The following COL27A1 variants were observed in gnomAD, a reference collection of about 807,000 sequenced individuals.
COL27A1 encodes collagen type XXVII alpha 1 chain, also known as collagen alpha-1(XXVII) chain.
COL27A1 carries 106 observed loss-of-function variants against 251.3 expected under a neutral mutation model. The ratio of observed to expected loss-of-function variants is 0.42; its 90% CI spans 0.36 to 0.50. The LOEUF is 0.50. Ranked by LOEUF, COL27A1 falls within the 20% of genes least tolerant of loss-of-function variation. The probability of loss-of-function intolerance (pLI) is 0.00; values close to 1 mark genes in which losing one functional copy is unlikely to be tolerated. For synonymous variants in COL27A1, 1,000 were observed against 986.3 expected (o/e 1.01, Z -0.26); for missense variants, 2,325 against 2,522.8 (o/e 0.92, Z 1.68).
intron 10 of COL27A1, among the ~76,000 whole-genome samples, chr9:114,208,776 G>C (rs78066481): frequency 1.3e-5 from 2 of 152,092 alleles, no homozygotes; most frequent in Non-Finnish European, 2.9e-5. Context: ...CACTGGGGAT[G>C]GGGGGGAGAG....
chr9:114,272,860 C>A (rs994461314), intron 36 of COL27A1: 12 of 152,134 alleles, frequency 7.9e-5, no homozygotes, highest in African/African-American at 2.7e-4. Flanking sequence ...AGCAGAGAAT[C>A]TTGGAATTAG....
intron 36 of COL27A1, chr9:114,272,695 T>C (rs1835228202): frequency 6.6e-6 from 1 of 152,270 alleles, no homozygotes; most frequent in African/African-American, 2.4e-5. Context: ...CTAAGCTATT[T>C]ACATGGTTTA....
chr9:114,291,003 A>C (rs1302369376), intron 48 of COL27A1, 86 bp downstream of exon 48: 7 of 934,344 alleles, frequency 7.5e-6, no homozygotes, highest in Non-Finnish European at 1.1e-5. Flanking sequence ...TTGGGCACCC[A>C]TGTCCCAGGG....
chr9:114,252,521 C>A, intron 25 of COL27A1, 72 bp from the exon 26 acceptor site: 1 of 1,355,220 alleles, frequency 7.4e-7, no homozygotes. Flanking sequence ...GGATGGCCCT[C>A]TGCACCTGCC....
intron 14 of COL27A1, among the ~76,000 whole-genome samples, chr9:114,230,720 T>G (rs1196879198): frequency 6.6e-6 from 1 of 152,070 alleles, no homozygotes; most frequent in East Asian, 1.9e-4. Context: ...TTACAGCAGC[T>G]CCGGGGGGAC....
intron 39 of COL27A1, 84 bp from the exon 40 acceptor site, chr9:114,283,625 C>A: frequency 7.8e-7 from 1 of 1,289,122 alleles, no homozygotes; most frequent in Non-Finnish European, 1.1e-6. Flanking sequence ...CTGGGCGGAG[C>A]GGGGCTGGAG....
Position 114,162,742 on chromosome 9 carries a change from C to T in COL27A1, c.90C>T (p.Val30=), listed in dbSNP as rs569764168. ...GGTTTCTCTTCTCCTGGATCTTAGT[C>T]TCGTTTGCCTGTCACCTGGCCTCCA... is the stretch of plus-strand genomic sequence containing the variant. ...GGGFLFSWIL[V]SFACHLASTQ... is the part of the protein sequence containing the mutation. Residue 30 remains valine, a synonymous_variant, in exon 2 of 61, where the codon GTC becomes GTT. Coordinates refer to ENST00000356083, the MANE Select transcript of COL27A1 (RefSeq NM_032888.4). 4 of 1,612,806 alleles carry T rather than the reference C, an allele frequency of 2.5e-6. No individual in the cohort carries two copies. Among genetic ancestry groups the T allele is most frequent in the South Asian group, 1.1e-5 (1 of 90,976 alleles).
chr9:114,244,058 T>G (rs1832950292), intron 23 of COL27A1, among the ~76,000 whole-genome samples: 1 of 151,870 alleles, frequency 6.6e-6, no homozygotes, highest in African/African-American at 2.4e-5. Context: ...CCCGAGTAGC[T>G]GGGACTACAG....
At position 114,169,078 on chromosome 9, in the gene COL27A1, T is replaced by A. The variant is rs1310012438; in HGVS notation, c.1523T>A (p.Val508Glu). The change falls in exon 3 of 61, where the codon GTA (valine) becomes GAA (glutamate). Residue 508 changes from valine to glutamate, a missense_variant. By Grantham distance (121) the Val-to-Glu change is moderately radical. This residue lies in a region of COL27A1 where 1,183 missense variants were observed against 1,144.1 expected (regional missense o/e 1.03). Coordinates refer to ENST00000356083, the MANE Select transcript of COL27A1 (RefSeq NM_032888.4). ...TRSTRPPATM[V>E]PPTSGTSTPR... ...AGTACTCGGCCACCAGCCACGATGG[T>A]ACCTCCAACTTCGGGCACCAGCACT... is the stretch of plus-strand genomic sequence containing the variant. The A allele has an allele frequency of 6.2e-7, 1 of 1,613,992 alleles. No individual in the cohort carries two copies. The highest frequency in any genetic ancestry group is 1.7e-5 in the Admixed American group (1 of 60,020).
At chr9:114,245,626 G>A (rs1319934755) in intron 23 of COL27A1, among the ~76,000 whole-genome samples, 1 of 152,212 alleles carries the variant, frequency 6.6e-6, no homozygotes, top group Non-Finnish European at 1.5e-5. Flanking sequence ...TCCAGGTGCT[G>A]AGTAAGCCAA....
rs1443325605 is a variant in COL27A1 at position 114,311,671 on chromosome 9, G to A, written c.*976G>A. Reference sequence around the variant, plus strand: ...GTCTGTCCTTTTAAGGCAGCAGGGAGGCCTGGGTGCGAAGCATGTTGGCTT... The same window carrying A: ...GTCTGTCCTTTTAAGGCAGCAGGGAAGCCTGGGTGCGAAGCATGTTGGCTT... On this transcript the variant is annotated 3_prime_UTR_variant, in exon 61 of 61. Coordinates refer to ENST00000356083, the MANE Select transcript of COL27A1 (RefSeq NM_032888.4). The A allele has an allele frequency of 2.0e-5, 3 of 152,318 alleles. No individual in the cohort carries two copies. The highest frequency in any genetic ancestry group is 4.8e-5 in the African/African-American group (2 of 41,554). 9.4% of individuals were successfully genotyped at this position (152,318 alleles called of 1,614,324 possible).
In COL27A1 at chr9:114,265,430, G is replaced by A. The variant is rs779262299; in HGVS notation, c.3348G>A (p.Pro1116=). 2.0e-5 allele frequency: 32 copies of A among 1,613,666 alleles called. No individual in the cohort carries two copies. The highest frequency in any genetic ancestry group is 1.1e-4 in the South Asian group (10 of 91,082). ...HLGSRGFPGI[P]GPSGPPGTKG... ...TTACCTTGTCTCTGCAGGGCATCCC[G>A]GGTCCCTCAGGCCCCCCAGGCACCA... Residue 1116 remains proline (P), a synonymous_variant, in exon 32 of 61, where the codon CCG becomes CCA. Transcript: ENST00000356083.
chr9:114,237,329 C>T (rs775547214), intron 18 of COL27A1, among the ~76,000 whole-genome samples: 6 of 152,244 alleles, frequency 3.9e-5, no homozygotes, highest in African/African-American at 7.2e-5. Context: ...ACAGCAGTGG[C>T]TGTCATTTAT....
intron 34 of COL27A1, 53 bp downstream of exon 34, chr9:114,267,610 T>A: frequency 6.7e-7 from 1 of 1,500,160 alleles, no homozygotes; most frequent in Non-Finnish European, 9.2e-7. Flanking sequence ...AGCTCCCAGA[T>A]GGTGGCCACA....
intron 5 of COL27A1, among the ~76,000 whole-genome samples, chr9:114,186,454 A>G (rs1828342068): frequency 6.6e-6 from 1 of 152,220 alleles, no homozygotes; most frequent in African/African-American, 2.4e-5. Context: ...CAAGCCAACC[A>G]TATTGACAAA....
Position 114,290,165 on chromosome 9 carries a change from C to A in COL27A1, c.4260+54C>A. On this transcript the variant is annotated intron_variant, in intron 46 of 60. Transcript: ENST00000356083. This position sits in a 1 kb window ranked among gnomAD's most constrained non-coding sequence, Gnocchi z 4.6. ...CAACCTCCCTGCCCGCCCCCCACAC[C>A]CGCCCTCCTCCCACTCCCTGCACCA... is the stretch of plus-strand genomic sequence containing the variant. The A allele has an allele frequency of 6.3e-7, 1 of 1,590,278 alleles. No homozygotes were observed. Among genetic ancestry groups the A allele is most frequent in the Non-Finnish European group, 8.6e-7 (1 of 1,164,838 alleles).
chr9:114,250,668 G>C lies in COL27A1; in HGVS notation c.3033G>C (p.Lys1011Asn). The change falls in exon 25 of 61, where the codon AAG becomes AAC. Residue 1011 changes from lysine to asparagine, a missense_variant and splice_region_variant. Around this residue, in one of 4 missense-constraint regions of COL27A1, gnomAD observed 662 missense variants for 795.3 expected, o/e 0.83. Coordinates refer to ENST00000356083, the MANE Select transcript of COL27A1 (RefSeq NM_032888.4). ...GGGAGCCAGGAATCGTGGGAGAAAA[G>C]GTAAGTGGTGTTGAGGGGAAAAGAT... Reference protein sequence around the residue: ...LVGEPGIVGEKGDRGMMGPPG... With the variant: ...LVGEPGIVGENGDRGMMGPPG... The C allele has an allele frequency of 1.2e-6, 2 of 1,611,322 alleles. No individual in the cohort carries two copies. The highest frequency in any genetic ancestry group is 1.7e-6 in the Non-Finnish European group (2 of 1,177,622).
At chr9:114,162,436 G>C (rs899753803) in intron 1 of COL27A1, among the ~76,000 whole-genome samples, 2 of 152,200 alleles carry the variant, frequency 1.3e-5, no homozygotes, top group Non-Finnish European at 2.9e-5. Context: ...GGCTTTCTAT[G>C]CACTGCTTCT....
intron 48 of COL27A1, 41 bp from the exon 49 acceptor site, chr9:114,292,062 C>T: frequency 6.5e-7 from 1 of 1,528,518 alleles, no homozygotes. Flanking sequence ...CTTAGAACCC[C>T]TTCCCACTTT....
Sources: gnomAD v4.1 joint callset for allele counts (sites outside exome capture counted in the v4.1 genomes callset) on GRCh38, gnomAD v4.1.1 for gene constraint, gnomAD v4.1.1 regional missense constraint, Gnocchi (gnomAD v3.1) non-coding constraint, MANE v1.5 for transcripts, NCBI Gene and HGNC (gene_info 2026-07-23, HGNC 2026-07-21) for gene names.